Variants in SCFD2 observed in about 807,000 individuals in gnomAD.
SCFD2 encodes the protein sec1 family domain-containing protein 2.
A neutral mutation model predicts 58.9 loss-of-function variants in SCFD2; 54 were observed. The ratio of observed to expected loss-of-function variants is 0.92; its 90% confidence interval spans 0.74 to 1.15. The LOEUF (loss-of-function observed/expected upper bound fraction) is 1.15. SCFD2 is among the 50% of genes most tolerant of loss of function. The pLI is 0.00. For synonymous variants in SCFD2, 321 were observed against 335.9 expected, an observed-to-expected ratio of 0.96 and a Z score of 0.49; for missense variants, 805 against 836.6, an observed-to-expected ratio of 0.96 and a Z score of 0.47.
At chr4:53,340,441 G>C (rs139411439) in intron 2 of SCFD2, among the ~76,000 whole-genome samples, 1 of 152,182 alleles carries the variant, frequency 6.6e-6, no homozygotes, top group Non-Finnish European at 1.5e-5. Flanking sequence ...TGAGGCTTGA[G>C]TAGGTAAACA....
chr4:53,192,284 G>A (rs575375142), intron 4 of SCFD2, among the ~76,000 whole-genome samples: 25 of 152,266 alleles, frequency 1.6e-4, no homozygotes, highest in Admixed American at 1.0e-3. Context: ...AGGGTTGAAA[G>A]TCCTGCTGTA....
chr4:52,879,990 C>A (rs1375227866), intron 8 of SCFD2, among the ~76,000 whole-genome samples: 1 of 152,194 alleles, frequency 6.6e-6, no homozygotes, highest in African/African-American at 2.4e-5. Context: ...TGTATTCATG[C>A]TGTATAGGCA....
chr4:52,893,561 C>T (rs987399727), intron 7 of SCFD2, among the ~76,000 whole-genome samples: 7 of 152,196 alleles, frequency 4.6e-5, no homozygotes, highest in East Asian at 3.8e-4. Flanking sequence ...CAACAATCTC[C>T]CCTGCCCACA....
chr4:53,352,408 G>A (rs1298706663), intron 2 of SCFD2, among the ~76,000 whole-genome samples, 190 bp downstream of exon 2: 1 of 152,086 alleles, frequency 6.6e-6, no homozygotes, highest in Admixed American at 6.6e-5. Flanking sequence ...CATACTTTCT[G>A]GATTATTATG....
chr4:53,356,626 A>G (rs1734407598), intron 1 of SCFD2, among the ~76,000 whole-genome samples: 2 of 151,700 alleles, frequency 1.3e-5, no homozygotes. Context: ...GGGTTTCACC[A>G]TATTGCCAAG....
At chr4:52,973,281 T>A (rs1002715821) in intron 5 of SCFD2, among the ~76,000 whole-genome samples, 3 of 151,538 alleles carry the variant, frequency 2.0e-5, no homozygotes, top group Non-Finnish European at 2.9e-5. Flanking sequence ...GCAATACTAA[T>A]AAAGAAGAAA....
intron 4 of SCFD2, among the ~76,000 whole-genome samples, chr4:53,273,161 CTA>C (rs1351739763): frequency 1.3e-5 from 2 of 152,056 alleles, no homozygotes; most frequent in African/African-American, 4.8e-5. Context: ...CATATTGAGT[CTA>C]TGTGGAAAGT....
At chr4:53,128,284 T>A (rs1363708403) in intron 5 of SCFD2, among the ~76,000 whole-genome samples, 1 of 152,196 alleles carries the variant, frequency 6.6e-6, no homozygotes, top group Non-Finnish European at 1.5e-5. Flanking sequence ...CTGTTCTAAA[T>A]TCTGTATATA....
chr4:53,248,598 C>A (rs1474888450), intron 4 of SCFD2, among the ~76,000 whole-genome samples: 4 of 152,222 alleles, frequency 2.6e-5, no homozygotes, highest in African/African-American at 9.6e-5. Flanking sequence ...ACTGCCTCCT[C>A]AAGTGGGTCC....
At chr4:53,185,696 T>C (rs1020504105) in intron 4 of SCFD2, among the ~76,000 whole-genome samples, 1 of 152,098 alleles carries the variant, frequency 6.6e-6, no homozygotes, top group African/African-American at 2.4e-5. Flanking sequence ...ATATCACTGT[T>C]TGAAGATATT....
chr4:53,189,165 G>C (rs1577821588), intron 4 of SCFD2, among the ~76,000 whole-genome samples: 1 of 152,222 alleles, frequency 6.6e-6, no homozygotes, highest in Admixed American at 6.5e-5. Flanking sequence ...AAGAATGTAA[G>C]CTATTGCTGT....
chr4:53,302,386 A>G (rs1277307780), intron 3 of SCFD2, among the ~76,000 whole-genome samples: 12 of 152,190 alleles, frequency 7.9e-5, no homozygotes, highest in Admixed American at 7.9e-4. Context: ...TAGGAATCCA[A>G]CTTACAAGGA....
chr4:52,969,354 C>A (rs757436386), intron 5 of SCFD2, among the ~76,000 whole-genome samples: 2 of 152,178 alleles, frequency 1.3e-5, no homozygotes, highest in African/African-American at 2.4e-5. Flanking sequence ...TTAAATCATA[C>A]ATAAATATAA....
intron 5 of SCFD2, among the ~76,000 whole-genome samples, chr4:52,994,105 G>A (rs1721687037): frequency 6.6e-6 from 1 of 152,218 alleles, no homozygotes; most frequent in Admixed American, 6.5e-5. Context: ...CAGGCCAGCA[G>A]TTCCTCTGAA....
In SCFD2 at chr4:53,253,033, C is replaced by G. The variant is rs192547475; in HGVS notation, c.1311+20793G>C. ...CCAGAATCTACAGTGAACTCAAACACATTTACAAGAAAAAAACAAACAACC... is the reference window on the plus strand; with the variant it reads ...CCAGAATCTACAGTGAACTCAAACAGATTTACAAGAAAAAAACAAACAACC... On this transcript the variant is annotated intron_variant, in intron 4 of 8. Transcript: ENST00000401642. Among the ~76,000 whole-genome samples the G allele has an allele frequency of 5.9e-4, 89 of 151,794 alleles. No homozygotes were observed. In the Middle Eastern group the frequency reaches 0.014, roughly 23 times the overall value.
intron 2 of SCFD2, among the ~76,000 whole-genome samples, chr4:53,351,888 C>A (rs1734230826): frequency 1.3e-5 from 2 of 152,192 alleles, no homozygotes; most frequent in South Asian, 4.1e-4. Context: ...AACTATAATA[C>A]TGAAAGATCC....
chr4:53,051,289 G>A (rs902019934), intron 5 of SCFD2, among the ~76,000 whole-genome samples: 14 of 152,288 alleles, frequency 9.2e-5, no homozygotes, highest in African/African-American at 1.4e-4. Flanking sequence ...TACTCTGGGA[G>A]ACATCGGTCA....
intron 4 of SCFD2, among the ~76,000 whole-genome samples, chr4:53,169,106 T>C (rs1257432194): frequency 6.6e-6 from 1 of 152,246 alleles, no homozygotes; most frequent in African/African-American, 2.4e-5. Flanking sequence ...CCGGGCGTGG[T>C]GGCTCACGCC....
intron 4 of SCFD2, among the ~76,000 whole-genome samples, chr4:53,178,464 A>C (rs1373696580): frequency 6.6e-6 from 1 of 152,214 alleles, no homozygotes; most frequent in Non-Finnish European, 1.5e-5. Flanking sequence ...AAAACTAACA[A>C]ACAGAAAGGA....
Sources: allele counts gnomAD v4.1 joint callset (sites outside exome capture counted in the v4.1 genomes callset), GRCh38; gene constraint gnomAD v4.1.1; transcripts MANE v1.5; gene names NCBI Gene and HGNC (gene_info 2026-07-23, HGNC 2026-07-21).